Variants in TAFA2 observed in about 807,000 individuals in gnomAD.
TAFA2 encodes chemokine-like protein TAFA-2.
Under a neutral mutation model 18.8 loss-of-function variants are expected in TAFA2, and 7 were observed. The observed-to-expected ratio is 0.37, with a 90% CI of 0.21 to 0.70. TAFA2 has a LOEUF of 0.70. Among genes scored for constraint, TAFA2 ranks in the 30% least tolerant of loss-of-function variants. The probability of loss-of-function intolerance (pLI) is 0.53; values close to 1 mark genes in which losing one functional copy is unlikely to be tolerated. For missense variants in TAFA2, 122 were observed against 158.1 expected (o/e 0.77, Z 1.23); for synonymous variants, 60 against 54.2 (o/e 1.11, Z -0.47).
chr12:61,881,678 C>T (rs982669846), intron 1 of TAFA2, among the ~76,000 whole-genome samples: 4 of 152,122 alleles, frequency 2.6e-5, no homozygotes, highest in African/African-American at 9.7e-5. Context: ...ATTGAGGACA[C>T]ATGGGAAGGA....
intron 1 of TAFA2, among the ~76,000 whole-genome samples, chr12:61,940,647 G>A (rs1197084428): frequency 6.6e-6 from 1 of 152,190 alleles, no homozygotes; most frequent in East Asian, 1.9e-4. Context: ...GAACCGCAGA[G>A]TGATACCCCC....
At chr12:61,755,795 G>C (rs1218003191) in intron 2 of TAFA2, among the ~76,000 whole-genome samples, 1 of 151,852 alleles carries the variant, frequency 6.6e-6, no homozygotes, top group Admixed American at 6.6e-5. Context: ...TGAAAATTTT[G>C]GACCTTACTC....
At chr12:62,083,620 A>C (rs539514893) in intron 1 of TAFA2, among the ~76,000 whole-genome samples, 1 of 152,324 alleles carries the variant, frequency 6.6e-6, no homozygotes, top group South Asian at 2.1e-4. Flanking sequence ...AAAGACATGA[A>C]CATCATTTAC....
intron 2 of TAFA2, among the ~76,000 whole-genome samples, chr12:61,778,192 T>C (rs7484947): frequency 0.28 from 42,825 of 151,652 alleles, 6,753 homozygotes; most frequent in South Asian, 0.4. Flanking sequence ...CTTTTGGAGA[T>C]TGTTGCAAGG....
rs139169509 is a variant in TAFA2, at chr12:62,237,723, T to C, written c.-130+21040A>G. ...TGCAGTTGCCTGTAAGTGCCCTTAA[T>C]CCTAGATTGCTGCTTCCTTTTTGGC... On this transcript the variant is annotated intron_variant, in intron 1 of 5. Coordinates refer to the TAFA2 transcript ENST00000551619. Among the ~76,000 whole-genome samples the C allele has an allele frequency of 6.6e-5, 10 of 152,330 alleles. No homozygotes were observed. In the South Asian group the frequency reaches 1.4e-3, roughly 22 times the overall value.
intron 1 of TAFA2, among the ~76,000 whole-genome samples, chr12:62,150,888 C>CAAA (rs879493653): frequency 9.1e-6 from 1 of 109,328 alleles, no homozygotes; most frequent in Admixed American, 9.8e-5. Flanking sequence ...AGACCCTGTC[C>CAAA]AAAAAAAAAA....
chr12:62,245,913 C>A (rs941203743), intron 1 of TAFA2, among the ~76,000 whole-genome samples: 1 of 149,814 alleles, frequency 6.7e-6, no homozygotes, highest in Non-Finnish European at 1.5e-5. Flanking sequence ...TAGTTTTCAT[C>A]TTTTCTTATA....
chr12:62,127,868 T>A (rs983648874), intron 1 of TAFA2, among the ~76,000 whole-genome samples: 9 of 152,044 alleles, frequency 5.9e-5, no homozygotes, highest in Non-Finnish European at 1.2e-4. Context: ...AAATACCAAG[T>A]ACATAGTAAG....
intron 1 of TAFA2, among the ~76,000 whole-genome samples, chr12:62,175,690 A>T (rs2062507907): frequency 6.6e-6 from 1 of 152,060 alleles, no homozygotes. Flanking sequence ...ATTCTTTCAA[A>T]AGGGGCCTTT....
At chr12:62,207,495 C>A (rs577324323) in intron 1 of TAFA2, among the ~76,000 whole-genome samples, 1 of 152,042 alleles carries the variant, frequency 6.6e-6, no homozygotes, top group Admixed American at 6.6e-5. Context: ...CACACATACA[C>A]GAGACAAGAA....
chr12:62,082,551 C>T lies in TAFA2; in HGVS notation c.-2+108708G>A, dbSNP rs186246296. On this transcript the variant is annotated intron_variant, in intron 1 of 4. Coordinates refer to ENST00000416284, the MANE Select transcript of TAFA2 (RefSeq NM_178539.5). ...CCAGATATGGTTCCAAGCAGTGAGG[C>T]GCTGGGGCTATCTGACACACATGAC... 5.9e-5 allele frequency among the ~76,000 whole-genome samples: 9 copies of T among 152,232 alleles called. No homozygotes were observed. The East Asian group carries it at 1.7e-3, about 29-fold the overall frequency.
intron 1 of TAFA2, among the ~76,000 whole-genome samples, chr12:62,224,233 A>G (rs2062776555): frequency 6.6e-6 from 1 of 152,136 alleles, no homozygotes; most frequent in Admixed American, 6.5e-5. Flanking sequence ...AAGCATAAGC[A>G]TTTGTATGAT....
At chr12:61,830,025 T>A (rs564288222) in intron 2 of TAFA2, among the ~76,000 whole-genome samples, 2 of 150,670 alleles carry the variant, frequency 1.3e-5, no homozygotes, top group Admixed American at 1.3e-4. Flanking sequence ...ATGTCAACAA[T>A]GTAAACTTTG....
At chr12:61,743,034 A>T (rs1214083866) in intron 4 of TAFA2, among the ~76,000 whole-genome samples, 3 of 151,940 alleles carry the variant, frequency 2.0e-5, no homozygotes, top group African/African-American at 7.2e-5. Context: ...AAAAAATCCA[A>T]ATCTTTTAAC....
intron 2 of TAFA2, among the ~76,000 whole-genome samples, chr12:61,770,294 A>C (rs1300557842): frequency 1.3e-5 from 2 of 152,168 alleles, no homozygotes; most frequent in African/African-American, 4.8e-5. Context: ...AAGAAATTTC[A>C]AAGTTTGGAA....
At chr12:62,208,402 T>C (rs759721031) in intron 1 of TAFA2, among the ~76,000 whole-genome samples, 4 of 152,172 alleles carry the variant, frequency 2.6e-5, no homozygotes, top group East Asian at 1.9e-4. Flanking sequence ...TTAGGTTCTA[T>C]GAATATTGGT....
At chr12:62,199,166 GGATAA>G (rs1420620247) in intron 1 of TAFA2, among the ~76,000 whole-genome samples, 5 of 152,232 alleles carry the variant, frequency 3.3e-5, no homozygotes, top group Middle Eastern at 3.4e-3. Context: ...GGAGTACTGG[GGATAA>G]GTAGGCCACA....
chr12:61,767,612 C>T (rs895287424), intron 2 of TAFA2, among the ~76,000 whole-genome samples: 3 of 151,994 alleles, frequency 2.0e-5, no homozygotes, highest in African/African-American at 7.2e-5. Flanking sequence ...TTTTCTCACA[C>T]ACGGAAGGTT....
At chr12:62,146,681 A>G (rs902531287) in intron 1 of TAFA2, among the ~76,000 whole-genome samples, 2 of 152,122 alleles carry the variant, frequency 1.3e-5, no homozygotes, top group Non-Finnish European at 2.9e-5. Context: ...ATCCCAGGCA[A>G]TATGAAAAGT....
Sources: allele counts gnomAD v4.1 joint callset (sites outside exome capture counted in the v4.1 genomes callset), GRCh38; gene constraint gnomAD v4.1.1; transcripts MANE v1.5; gene names NCBI Gene and HGNC (gene_info 2026-07-23, HGNC 2026-07-21).